SLC28A1: variants seen among roughly 807,000 people sequenced by gnomAD.
SLC28A1 encodes the protein solute carrier family 28 member 1, also known as sodium/nucleoside cotransporter 1.
A neutral mutation model predicts 74.8 loss-of-function variants in SLC28A1; 64 were observed. The observed-to-expected ratio is 0.86, with a 90% confidence interval of 0.70 to 1.05. The LOEUF (loss-of-function observed/expected upper bound fraction) is 1.05, where lower values mean the gene tolerates loss of function less well. Among genes scored for constraint, SLC28A1 ranks in the 50% least tolerant of loss-of-function variants. SLC28A1 has a pLI of 0.00. For missense variants in SLC28A1, 828 were observed against 822.8 expected (o/e 1.01, Z -0.08); for synonymous variants, 359 against 335.0 (o/e 1.07, Z -0.78).
In SLC28A1 at chr15:84,921,063, G is replaced by A; in HGVS notation, c.951G>A (p.Val317=). The A allele has an allele frequency of 6.2e-7, 1 of 1,613,574 alleles. No individual in the cohort carries two copies. Among genetic ancestry groups the A allele is most frequent in the Non-Finnish European group, 8.5e-7 (1 of 1,179,526 alleles). The change falls in exon 11 of 19, where the codon GTG becomes GTA. Residue 317 remains valine (V), a synonymous_variant. Coordinates refer to ENST00000394573, the MANE Select transcript of SLC28A1 (RefSeq NM_004213.5). ...TGAGTGTGGCTGGAAACATCTTTGT[G>A]AGCCAGGTGGGTATGGAAGCCTCCT... ...ETLSVAGNIF[V]SQTEAPLLIR...
Position 84,929,876 on chromosome 15 carries a change from G to GA in SLC28A1, c.1084-3269_1084-3268insA, listed in dbSNP as rs145577110. On this transcript the variant is annotated intron_variant, in intron 12 of 18. Transcript: ENST00000394573. ...GACCCTTTGGGTCAGAGAGAGAAGG[G>GA]TTATGGGCAGGCGTGGGCCCTGGGA... 5.2e-3 allele frequency among the ~76,000 whole-genome samples: 786 copies of GA among 152,288 alleles called. 6 individuals are homozygous for GA. Among genetic ancestry groups the GA allele is most frequent in the African/African-American group, 0.018 (744 of 41,560 alleles).
chr15:84,964,374 A>G, the SLC28A1 span, among the ~76,000 whole-genome samples: 12,899 of 152,194 alleles, frequency 0.085, 675 homozygotes, highest in African/African-American at 0.15. Context: ...CTTTCAGGGC[A>G]CTCATTGCCC....
At chr15:84,960,525 T>TGG in the SLC28A1 span, among the ~76,000 whole-genome samples, 1 of 152,160 alleles carries the variant, frequency 6.6e-6, no homozygotes. Context: ...GCCAAAGTGC[T>TGG]GGGATTACAG....
chr15:84,954,539 T>C, the SLC28A1 span, among the ~76,000 whole-genome samples: 4 of 152,108 alleles, frequency 2.6e-5, no homozygotes, highest in Non-Finnish European at 5.9e-5. Flanking sequence ...ACAAACAAAC[T>C]ATGTGAGGTA....
chr15:84,955,239 C>A, the SLC28A1 span, among the ~76,000 whole-genome samples: 2 of 152,308 alleles, frequency 1.3e-5, no homozygotes, highest in South Asian at 4.2e-4. Context: ...TGAGACAAGC[C>A]ATCCCCTTTG....
intron 10 of SLC28A1, 86 bp from the exon 11 acceptor site, chr15:84,920,903 A>G (rs1969752853): frequency 5.8e-6 from 6 of 1,041,750 alleles, no homozygotes; most frequent in Non-Finnish European, 7.6e-6. Flanking sequence ...GTTGGGAGGA[A>G]ACTGTGTAAG....
intron 7 of SLC28A1, among the ~76,000 whole-genome samples, chr15:84,904,757 C>T (rs910079014): frequency 6.6e-6 from 1 of 150,584 alleles, no homozygotes; most frequent in Non-Finnish European, 1.5e-5. Context: ...ATCCTGTCAG[C>T]AAGCACAATT....
At chr15:84,958,647 A>G in the SLC28A1 span, among the ~76,000 whole-genome samples, 1 of 152,108 alleles carries the variant, frequency 6.6e-6, no homozygotes, top group Non-Finnish European at 1.5e-5. Flanking sequence ...TTGGTCTCTC[A>G]GACTCAAGCC....
At chr15:84,950,815 T>A in the SLC28A1 span, among the ~76,000 whole-genome samples, 57 of 152,262 alleles carry the variant, frequency 3.7e-4, no homozygotes, top group East Asian at 9.8e-3. Context: ...CATCATGCCC[T>A]TGGAAGAGGG....
rs1964783336 is a variant in SLC28A1, at chr15:84,887,863, AC to A, written c.96+10del. ...TGATTTCTTGGAAAGCCTGGTCTGT[AC>A]CCTTCCCCATCAGTCATCCTGACCC... On this transcript the variant is annotated splice_region_variant and intron_variant, in intron 3 of 18. Coordinates refer to ENST00000394573, the MANE Select transcript of SLC28A1 (RefSeq NM_004213.5). 6.3e-7 allele frequency: 1 copy of A among 1,599,484 alleles called. No homozygotes were observed. The highest frequency in any genetic ancestry group is 1.1e-5 in the South Asian group (1 of 90,790).
At chr15:84,896,104 T>C (rs1965972718) in intron 6 of SLC28A1, 1 of 337,432 alleles carries the variant, frequency 3.0e-6, no homozygotes. Flanking sequence ...TGATAGGAAG[T>C]TTCCTTTAAA....
At chr15:84,912,449 T>C (rs973156807) in intron 9 of SLC28A1, among the ~76,000 whole-genome samples, 2 of 152,170 alleles carry the variant, frequency 1.3e-5, no homozygotes, top group Non-Finnish European at 2.9e-5. Context: ...CTAGGGCTTC[T>C]TCAGCCCTCA....
intron 6 of SLC28A1, among the ~76,000 whole-genome samples, chr15:84,902,396 C>A (rs1378577467): frequency 6.6e-6 from 1 of 151,858 alleles, no homozygotes; most frequent in Non-Finnish European, 1.5e-5. Flanking sequence ...AGGAAAAGCG[C>A]TTAAACCCCG....
chr15:84,910,831 G>T (rs1455150964), intron 9 of SLC28A1, among the ~76,000 whole-genome samples: 3 of 152,240 alleles, frequency 2.0e-5, no homozygotes, highest in Admixed American at 6.5e-5. Flanking sequence ...GGGGCCTGAG[G>T]AGTGCGTATA....
intron 9 of SLC28A1, among the ~76,000 whole-genome samples, chr15:84,911,003 G>T (rs1344848419): frequency 1.3e-5 from 2 of 152,238 alleles, no homozygotes; most frequent in Non-Finnish European, 2.9e-5. Context: ...CGTGTCCACA[G>T]TGCAGGGCAG....
chr15:84,946,084 T>TTATATATATATATATATATATATATA (rs1567196223), downstream of SLC28A1, among the ~76,000 whole-genome samples: 3 of 27,552 alleles, frequency 1.1e-4, no homozygotes, highest in African/African-American at 4.7e-4. Context: ...GTGTGTATGT[T>TTATATATATATATATATATATATATA]CATATATATA....
the SLC28A1 span, among the ~76,000 whole-genome samples, chr15:84,967,715 G>A: frequency 2.0e-5 from 3 of 152,140 alleles, no homozygotes; most frequent in Admixed American, 2.0e-4. Flanking sequence ...CTTGGAAAGG[G>A]AACCTACGAG....
At chr15:84,889,751 TCC>T (rs879342283) in intron 4 of SLC28A1, among the ~76,000 whole-genome samples, 26,247 of 90,090 alleles carry the variant, frequency 0.29, 3,957 homozygotes, top group Non-Finnish European at 0.37. Flanking sequence ...CTTCCTTCCT[TCC>T]TTCCTTCCTT....
chr15:84,938,089 A>C (rs892468256), intron 15 of SLC28A1, among the ~76,000 whole-genome samples: 2 of 150,758 alleles, frequency 1.3e-5, no homozygotes, highest in South Asian at 4.2e-4. Context: ...AATCCCAGCT[A>C]CTCAGGAGGC....
Sources: gnomAD v4.1 joint callset for allele counts (sites outside exome capture counted in the v4.1 genomes callset) on GRCh38, gnomAD v4.1.1 for gene constraint, MANE v1.5 for transcripts, NCBI Gene and HGNC (gene_info 2026-07-23, HGNC 2026-07-21) for gene names.